The following TECPR2 variants were observed in gnomAD, a reference collection of about 807,000 sequenced individuals.
TECPR2 encodes the protein tectonin beta-propeller repeat-containing protein 2.
A neutral mutation model predicts 138.1 loss-of-function variants in TECPR2; 65 were observed. That is an observed-to-expected ratio of 0.47 (90% CI 0.39 to 0.58). The LOEUF is 0.58. Ranked by LOEUF, TECPR2 falls within the 20% of genes least tolerant of loss-of-function variation. TECPR2 has a pLI of 0.00. For synonymous variants in TECPR2, 746 were observed against 749.8 expected (o/e 0.99, Z 0.08); for missense variants, 1,553 against 1,824.5 (o/e 0.85, Z 2.71).
At chr14:102,457,621 G>A (rs1056684335) in intron 16 of TECPR2, among the ~76,000 whole-genome samples, 3 of 152,102 alleles carry the variant, frequency 2.0e-5, no homozygotes, top group Admixed American at 6.6e-5. Flanking sequence ...TGGGCCGGGT[G>A]CAGTGGCTTA....
intron 17 of TECPR2, among the ~76,000 whole-genome samples, chr14:102,491,255 G>T (rs1456860815): frequency 6.6e-6 from 1 of 152,114 alleles, no homozygotes; most frequent in Non-Finnish European, 1.5e-5. Context: ...TTGCTCTGTT[G>T]CCCAAGCTAG....
Position 102,449,724 on chromosome 14 carries a change from C to T in TECPR2, c.3171C>T (p.Pro1057=), listed in dbSNP as rs749964386. ...THSVATAAQA[P]VEKVADKLRM... ...CGGTGGCCACAGCAGCCCAAGCCCC[C>T]GTAGAAAAGGTGGCAGATAAGCTGC... is the stretch of plus-strand genomic sequence containing the variant. Residue 1057 remains proline (P), a synonymous_variant, in exon 14 of 20, where the codon CCC becomes CCT. Coordinates refer to ENST00000359520, the MANE Select transcript of TECPR2 (RefSeq NM_014844.5). 72 of 1,614,006 alleles carry T rather than the reference C, an allele frequency of 4.5e-5. No individual in the cohort carries two copies. The highest frequency in any genetic ancestry group is 1.6e-4 in the Middle Eastern group (1 of 6,084).
At position 102,431,813 on chromosome 14, in the gene TECPR2, A is replaced by G; in HGVS notation, c.1102A>G (p.Met368Val). The G allele has an allele frequency of 1.3e-6, 2 of 1,574,390 alleles. No homozygotes were observed. The highest frequency in any genetic ancestry group is 1.7e-6 in the Non-Finnish European group (2 of 1,154,104). The change falls in exon 8 of 20, where the codon ATG becomes GTG. Residue 368 changes from methionine to valine, a missense_variant. By Grantham distance (21) the Met-to-Val change is conservative. Transcript: ENST00000359520. ...LTSTVRDGLEMSGCSERVHVQ... is the reference protein window; with the variant it reads ...LTSTVRDGLEVSGCSERVHVQ... ...TTTCTTAGTGAGAGATGGTCTGGAG[A>G]TGTCTGGATGCTCAGAGCGTGTCCA...
chr14:102,445,711 C>T (rs1229543899), intron 12 of TECPR2, 95 bp from the exon 13 acceptor site: 13 of 1,447,880 alleles, frequency 9.0e-6, no homozygotes, highest in Non-Finnish European at 1.1e-5. Context: ...TTCTCCCAGC[C>T]ACGCCTGCCG....
chr14:102,364,815 G>A (rs1295379514), intron 1 of TECPR2, among the ~76,000 whole-genome samples: 1 of 152,188 alleles, frequency 6.6e-6, no homozygotes, highest in Non-Finnish European at 1.5e-5. Context: ...AAGGAAACAG[G>A]CATCAGGCAG....
chr14:102,418,277 A>G (rs943850282), intron 5 of TECPR2, among the ~76,000 whole-genome samples: 13 of 152,238 alleles, frequency 8.5e-5, no homozygotes, highest in African/African-American at 2.7e-4. Flanking sequence ...GCCCTGCTCC[A>G]GTACTCCTCA....
intron 9 of TECPR2, chr14:102,436,997 C>T (rs1567341245): frequency 2.0e-6 from 2 of 985,332 alleles, no homozygotes; most frequent in Admixed American, 6.1e-5. Context: ...GCCCCTGACT[C>T]TCTAACTTCC....
chr14:102,428,665 G>A (rs759603166), intron 7 of TECPR2, among the ~76,000 whole-genome samples: 15 of 152,092 alleles, frequency 9.9e-5, no homozygotes, highest in Non-Finnish European at 2.2e-4. Context: ...GGGAGGCTGA[G>A]GTGGGAGGAT....
chr14:102,480,031 T>TC (rs1890853068), intron 17 of TECPR2, among the ~76,000 whole-genome samples: 3 of 152,312 alleles, frequency 2.0e-5, no homozygotes, highest in Admixed American at 6.5e-5. Context: ...GCCTGTAGAT[T>TC]CAATTGACCT....
chr14:102,436,447 G>C (rs1889675111), intron 9 of TECPR2, among the ~76,000 whole-genome samples: 2 of 151,882 alleles, frequency 1.3e-5, no homozygotes, highest in South Asian at 4.1e-4. Context: ...AGCTTCCTGA[G>C]TCACTGGGAC....
chr14:102,463,969 C>A (rs1299375858), intron 16 of TECPR2, among the ~76,000 whole-genome samples: 1 of 152,084 alleles, frequency 6.6e-6, no homozygotes, highest in East Asian at 1.9e-4. Context: ...TCAACTTAGC[C>A]CTGAAGATCT....
intron 9 of TECPR2, among the ~76,000 whole-genome samples, chr14:102,436,063 C>T (rs959567386): frequency 3.3e-5 from 5 of 152,202 alleles, no homozygotes; most frequent in Non-Finnish European, 7.3e-5. Context: ...CCACAAAGCA[C>T]TTTAGAGGTT....
intron 14 of TECPR2, 44 bp from the exon 15 acceptor site, chr14:102,450,516 A>G (rs1318148200): frequency 6.3e-7 from 1 of 1,598,624 alleles, no homozygotes; most frequent in Non-Finnish European, 8.6e-7. Context: ...GGTTTTGTCT[A>G]TGCTTTCTTT....
rs1173849759 is a variant in TECPR2, at chr14:102,411,699, CAAAAAAAAAA to C, written c.481-2914_481-2905del. On this transcript the variant is annotated intron_variant, in intron 4 of 19. Transcript: ENST00000359520. ...AGGTGAAATAAACAGCCATGTTGCT[CAAAAAAAAAA>C]AAAAAAAAAAAAAAAAAAAAAAGAA... Among the ~76,000 whole-genome samples, 201 of 46,860 alleles carry C rather than the reference CAAAAAAAAAA, an allele frequency of 4.3e-3. 2 individuals are homozygous for C. The highest frequency in any genetic ancestry group is 0.021 in the African/African-American group (166 of 7,802). 30.7% of individuals were successfully genotyped at this position (46,860 alleles called of 152,430 possible).
chr14:102,411,481 G>T (rs1013532744), intron 4 of TECPR2, among the ~76,000 whole-genome samples: 5 of 152,126 alleles, frequency 3.3e-5, no homozygotes, highest in African/African-American at 4.8e-5. Context: ...ACATTACCTT[G>T]TGAAAGTCCT....
At chr14:102,446,096 TCC>T (rs1889971435) in intron 13 of TECPR2, 149 bp downstream of exon 13, 2 of 1,101,852 alleles carry the variant, frequency 1.8e-6, no homozygotes, top group Non-Finnish European at 2.5e-6. Context: ...AAACAAGATC[TCC>T]TTCCGTCATC....
rs111408058 is a variant in TECPR2, at chr14:102,457,282, A to G, written c.3640+4655A>G. ...GTGTTTTTAGTAGAGACGGGGTTTC[A>G]CCATGTTGGCCAAGCTGGTCTCGAG... On this transcript the variant is annotated intron_variant, in intron 16 of 19. Coordinates refer to ENST00000359520, the MANE Select transcript of TECPR2 (RefSeq NM_014844.5). Among the ~76,000 whole-genome samples the G allele has an allele frequency of 6.8e-3, 1,035 of 152,060 alleles. 2 individuals carry two copies. The highest frequency in any genetic ancestry group is 0.024 in the African/African-American group (988 of 41,480).
chr14:102,406,281 G>A (rs1888656441), intron 2 of TECPR2, among the ~76,000 whole-genome samples: 1 of 152,166 alleles, frequency 6.6e-6, no homozygotes, highest in Non-Finnish European at 1.5e-5. Flanking sequence ...GGGCATGGTG[G>A]CCCACACCTG....
rs557585632 is a variant in TECPR2, at chr14:102,472,312, T to C, written c.3789+7023T>C. The stretch of plus-strand genomic sequence containing the variant: ...CCACAATTTCCTGTTCCTGTCTCCA[T>C]GTAGACTCTAGAATAACCTCTAGGA... On this transcript the variant is annotated intron_variant, in intron 17 of 19. Coordinates refer to ENST00000359520, the MANE Select transcript of TECPR2 (RefSeq NM_014844.5). Among the ~76,000 whole-genome samples, 44 of 152,322 alleles carry C rather than the reference T, an allele frequency of 2.9e-4. No individual in the cohort carries two copies. The South Asian group carries it at 3.3e-3, about 11-fold the overall frequency.
Sources: allele counts gnomAD v4.1 joint callset (sites outside exome capture counted in the v4.1 genomes callset), GRCh38; gene constraint gnomAD v4.1.1; transcripts MANE v1.5; gene names NCBI Gene and HGNC (gene_info 2026-07-23, HGNC 2026-07-21).